The following ITGA2 variants were observed in gnomAD, a reference collection of about 807,000 sequenced individuals.
The protein encoded by ITGA2 is integrin alpha-2.
ITGA2 carries 101 observed loss-of-function variants against 146.3 expected under a neutral mutation model. The observed-to-expected ratio is 0.69, with a 90% CI of 0.59 to 0.81. The LOEUF (loss-of-function observed/expected upper bound fraction) is 0.81, where lower values mean the gene tolerates loss of function less well. ITGA2 is among the 40% of genes least tolerant of loss of function. The probability of loss-of-function intolerance (pLI) is 0.00; values close to 1 mark genes in which losing one functional copy is unlikely to be tolerated. For synonymous variants in ITGA2, 477 were observed against 487.1 expected, an observed-to-expected ratio of 0.98 and a Z score of 0.27; for missense variants, 1,281 against 1,402.7, an observed-to-expected ratio of 0.91 and a Z score of 1.39.
At chr5:53,007,575 G>A (rs1293901482) in intron 1 of ITGA2, among the ~76,000 whole-genome samples, 1 of 152,060 alleles carries the variant, frequency 6.6e-6, no homozygotes, top group African/African-American at 2.4e-5. Flanking sequence ...AAGTGGAGAA[G>A]TAGAAAGTGA....
At chr5:53,001,083 G>A (rs560454388) in intron 1 of ITGA2, among the ~76,000 whole-genome samples, 11 of 151,824 alleles carry the variant, frequency 7.2e-5, no homozygotes, top group African/African-American at 1.9e-4. Context: ...TGTAGTTTTA[G>A]TAGAGATGGG....
intron 1 of ITGA2, among the ~76,000 whole-genome samples, chr5:52,997,857 T>C (rs1366849165): frequency 6.6e-6 from 1 of 152,178 alleles, no homozygotes. Flanking sequence ...AAAATAGATA[T>C]TTCAAAATAA....
intron 1 of ITGA2, among the ~76,000 whole-genome samples, chr5:53,024,956 A>G (rs1742870291): frequency 6.6e-6 from 1 of 152,240 alleles, no homozygotes; most frequent in African/African-American, 2.4e-5. Context: ...ATGCCTATAT[A>G]TGTGAATTGC....
chr5:53,036,388 G>C (rs181200037), intron 2 of ITGA2, among the ~76,000 whole-genome samples: 2 of 151,930 alleles, frequency 1.3e-5, no homozygotes, highest in Non-Finnish European at 2.9e-5. Flanking sequence ...TAATCATTAC[G>C]TACAAGTCAC....
intron 2 of ITGA2, among the ~76,000 whole-genome samples, chr5:53,032,173 TAAAA>T (rs141864928): frequency 6.6e-6 from 1 of 151,724 alleles, no homozygotes; most frequent in East Asian, 1.9e-4. Flanking sequence ...AAAATAAAAA[TAAAA>T]AAAATCCACC....
chr5:53,021,923 G>C (rs1742699515), intron 1 of ITGA2, among the ~76,000 whole-genome samples: 1 of 151,922 alleles, frequency 6.6e-6, no homozygotes, highest in African/African-American at 2.4e-5. Context: ...TATGTCCCTG[G>C]GCACGTTTTG....
intron 1 of ITGA2, among the ~76,000 whole-genome samples, chr5:53,012,943 G>T (rs780153345): frequency 3.3e-5 from 5 of 151,946 alleles, no homozygotes; most frequent in Non-Finnish European, 7.4e-5. Context: ...TTTTAATGGG[G>T]TTGTTTGGTT....
intron 27 of ITGA2, among the ~76,000 whole-genome samples, chr5:53,086,716 T>A (rs1038821428): frequency 1.3e-5 from 2 of 152,044 alleles, no homozygotes; most frequent in Non-Finnish European, 1.5e-5. Context: ...CCCCAGAGAG[T>A]TGATTTGTGG....
At chr5:53,016,849 A>G (rs1742422585) in intron 1 of ITGA2, among the ~76,000 whole-genome samples, 1 of 151,726 alleles carries the variant, frequency 6.6e-6, no homozygotes, top group East Asian at 1.9e-4. Context: ...GAGCTCTGAC[A>G]TTTTTTCATC....
At chr5:53,027,351 G>A (rs1295137395) in intron 2 of ITGA2, among the ~76,000 whole-genome samples, 1 of 152,132 alleles carries the variant, frequency 6.6e-6, no homozygotes, top group African/African-American at 2.4e-5. Flanking sequence ...GTGGTGAAGG[G>A]TCCTCACAAA....
At chr5:52,990,757 T>C (rs1399701866) in intron 1 of ITGA2, among the ~76,000 whole-genome samples, 1 of 152,000 alleles carries the variant, frequency 6.6e-6, no homozygotes, top group Non-Finnish European at 1.5e-5. Flanking sequence ...GAGCAGAGAA[T>C]GGGCATCTTA....
chr5:53,026,129 T>C (rs2111812960), intron 1 of ITGA2, among the ~76,000 whole-genome samples: 1 of 152,340 alleles, frequency 6.6e-6, no homozygotes, highest in Admixed American at 6.5e-5. Context: ...CCCTACATTT[T>C]CATCCTCAAA....
intron 16 of ITGA2, among the ~76,000 whole-genome samples, chr5:53,069,448 C>G (rs1745287852): frequency 6.6e-6 from 1 of 151,858 alleles, no homozygotes; most frequent in South Asian, 2.1e-4. Flanking sequence ...ATGCATTTCC[C>G]TATGTGAGCA....
chr5:53,076,670 C>T (rs886365030), intron 23 of ITGA2, among the ~76,000 whole-genome samples: 4 of 151,916 alleles, frequency 2.6e-5, no homozygotes, highest in Non-Finnish European at 5.9e-5. Context: ...ATTCTACTCT[C>T]CTACAATGGC....
rs185022149 is a variant in ITGA2, at chr5:53,039,611, G to A, written c.186-2501G>A. ...AAAAATTAGCCAGGTGTGGTGGCGC[G>A]GGCCTGTAGTCTTAGCTACTTGGGA... On this transcript the variant is annotated intron_variant, in intron 2 of 29. Transcript: ENST00000296585. 1.0e-3 allele frequency among the ~76,000 whole-genome samples: 154 copies of A among 151,128 alleles called. 5 individuals are homozygous for A. In the East Asian group the frequency reaches 0.027, roughly 26 times the overall value.
At chr5:53,028,358 A>T (rs1743053162) in intron 2 of ITGA2, among the ~76,000 whole-genome samples, 1 of 152,212 alleles carries the variant, frequency 6.6e-6, no homozygotes, top group African/African-American at 2.4e-5. Context: ...GAGACTTAGA[A>T]AACAATGCAT....
chr5:53,067,028 A>T, intron 15 of ITGA2, 90 bp from the exon 16 acceptor site: 1 of 1,330,516 alleles, frequency 7.5e-7, no homozygotes, highest in Non-Finnish European at 1.1e-6. Flanking sequence ...AAAATTCAGT[A>T]ATGCTGGTAC....
At chr5:52,990,688 C>G (rs1740907031) in intron 1 of ITGA2, among the ~76,000 whole-genome samples, 1 of 151,622 alleles carries the variant, frequency 6.6e-6, no homozygotes, top group Non-Finnish European at 1.5e-5. Flanking sequence ...CCACGTCAAC[C>G]TGGTGGCATT....
intron 1 of ITGA2, among the ~76,000 whole-genome samples, chr5:52,998,383 GGC>G (rs1741384782): frequency 6.6e-6 from 1 of 152,138 alleles, no homozygotes; most frequent in African/African-American, 2.4e-5. Flanking sequence ...GAACCTGGGA[GGC>G]GGAGGTTGCA....
Sources: allele counts gnomAD v4.1 joint callset (sites outside exome capture counted in the v4.1 genomes callset), GRCh38; gene constraint gnomAD v4.1.1; transcripts MANE v1.5; gene names NCBI Gene and HGNC (gene_info 2026-07-23, HGNC 2026-07-21).